HS3ST4: variants seen among roughly 807,000 people sequenced by gnomAD.
The protein encoded by HS3ST4 is heparan sulfate-glucosamine 3-sulfotransferase 4.
A neutral mutation model predicts 29.2 loss-of-function variants in HS3ST4; 17 were observed. That is an observed-to-expected ratio of 0.58 (90% CI 0.40 to 0.87). The LOEUF is 0.87. Among genes scored for constraint, HS3ST4 ranks in the 40% least tolerant of loss-of-function variants. The pLI, the probability that HS3ST4 is intolerant of heterozygous loss-of-function variation, is 0.00. For missense variants in HS3ST4, 627 were observed against 634.5 expected (o/e 0.99, Z 0.13); for synonymous variants, 314 against 285.7 (o/e 1.10, Z -1.00).
At chr16:25,745,438 T>A (rs1567231637) in intron 1 of HS3ST4, among the ~76,000 whole-genome samples, 1 of 152,334 alleles carries the variant, frequency 6.6e-6, no homozygotes, top group East Asian at 1.9e-4. Context: ...AATAACTGTT[T>A]TCAGACCATC....
chr16:25,830,198 G>A (rs1303113348), intron 1 of HS3ST4, among the ~76,000 whole-genome samples: 1 of 152,156 alleles, frequency 6.6e-6, no homozygotes, highest in African/African-American at 2.4e-5. Context: ...CTTTTTTATA[G>A]TGCCTGGAAG....
chr16:26,091,513 C>G (rs1898856907), intron 1 of HS3ST4, among the ~76,000 whole-genome samples: 1 of 152,154 alleles, frequency 6.6e-6, no homozygotes, highest in African/African-American at 2.4e-5. Context: ...TTTTCACGTC[C>G]TTGGGCATTG....
rs965623930 is a variant in HS3ST4, at chr16:26,137,215, C to T, written c.*967C>T. 1 of 152,078 alleles carries T rather than the reference C, an allele frequency of 6.6e-6. No individual in the cohort carries two copies. The highest frequency in any genetic ancestry group is 2.4e-5 in the African/African-American group (1 of 41,494). 9.4% of individuals were successfully genotyped at this position (152,078 alleles called of 1,614,324 possible). On this transcript the variant is annotated 3_prime_UTR_variant, in exon 2 of 2. Transcript: ENST00000331351. ...CATGTTTTTGGGGTGGACTCTGTCCCCTAGGGTCCCTAGAAGGGCAAAGAC... is the reference window on the plus strand; with the variant it reads ...CATGTTTTTGGGGTGGACTCTGTCCTCTAGGGTCCCTAGAAGGGCAAAGAC...
chr16:25,788,321 G>A (rs985740082), intron 1 of HS3ST4, among the ~76,000 whole-genome samples: 1 of 151,416 alleles, frequency 6.6e-6, no homozygotes, highest in South Asian at 2.1e-4. Flanking sequence ...AGGCTGAGGC[G>A]GGAGAATCAC....
intron 1 of HS3ST4, among the ~76,000 whole-genome samples, chr16:26,053,711 C>T (rs1898373420): frequency 1.3e-5 from 2 of 152,022 alleles, no homozygotes; most frequent in South Asian, 2.1e-4. Flanking sequence ...CATGTATATG[C>T]GATTTACCAA....
intron 1 of HS3ST4, among the ~76,000 whole-genome samples, chr16:25,845,647 G>GTAA (rs60639924): frequency 0.43 from 60,868 of 142,962 alleles, 13,271 homozygotes; most frequent in Middle Eastern, 0.49. Context: ...GGAATAGCAT[G>GTAA]TAATAATAAT....
chr16:26,004,048 T>C (rs923859205), intron 1 of HS3ST4, among the ~76,000 whole-genome samples: 8 of 152,184 alleles, frequency 5.3e-5, no homozygotes, highest in African/African-American at 1.9e-4. Flanking sequence ...TGTTCATGTG[T>C]ATTTCTACTG....
intron 1 of HS3ST4, among the ~76,000 whole-genome samples, chr16:25,724,939 A>G (rs961024730): frequency 7.9e-5 from 12 of 151,214 alleles, no homozygotes; most frequent in African/African-American, 2.9e-4. Context: ...TTTTTCAAAG[A>G]TAGGCTTTCC....
intron 1 of HS3ST4, among the ~76,000 whole-genome samples, chr16:25,962,158 C>T (rs746973166): frequency 2.0e-5 from 3 of 152,052 alleles, no homozygotes; most frequent in Non-Finnish European, 2.9e-5. Flanking sequence ...CTTGTATACA[C>T]CCAGGGAGAA....
At chr16:25,905,342 G>T (rs970708652) in intron 1 of HS3ST4, among the ~76,000 whole-genome samples, 1 of 150,204 alleles carries the variant, frequency 6.7e-6, no homozygotes, top group African/African-American at 2.4e-5. Flanking sequence ...AGATAGGGGC[G>T]GAGGGTGGGG....
chr16:26,089,249 C>T (rs1008906892), intron 1 of HS3ST4, among the ~76,000 whole-genome samples: 1 of 152,170 alleles, frequency 6.6e-6, no homozygotes, highest in Non-Finnish European at 1.5e-5. Flanking sequence ...CAAAACAGGA[C>T]CATCTGCATC....
intron 1 of HS3ST4, among the ~76,000 whole-genome samples, chr16:25,894,949 G>A (rs1280972561): frequency 6.6e-6 from 1 of 152,194 alleles, no homozygotes; most frequent in African/African-American, 2.4e-5. Flanking sequence ...TGCATATCAG[G>A]CACTGGACAA....
At chr16:25,841,733 A>G (rs1291700899) in intron 1 of HS3ST4, among the ~76,000 whole-genome samples, 2 of 152,176 alleles carry the variant, frequency 1.3e-5, no homozygotes, top group African/African-American at 4.8e-5. Flanking sequence ...CTTCCAGTCT[A>G]TGAGTTTCCA....
At chr16:25,725,679 T>C (rs187147089) in intron 1 of HS3ST4, among the ~76,000 whole-genome samples, 19 of 151,336 alleles carry the variant, frequency 1.3e-4, no homozygotes, top group Non-Finnish European at 2.5e-4. Flanking sequence ...ATAGAACTTA[T>C]ATATTGCAAT....
At chr16:26,044,295 AAG>A (rs1339551747) in intron 1 of HS3ST4, among the ~76,000 whole-genome samples, 1 of 152,220 alleles carries the variant, frequency 6.6e-6, no homozygotes, top group African/African-American at 2.4e-5. Context: ...ATTGCGCAGG[AAG>A]AGAGAGGGAG....
chr16:26,033,407 T>C (rs958524652), intron 1 of HS3ST4, among the ~76,000 whole-genome samples: 10 of 150,596 alleles, frequency 6.6e-5, no homozygotes, highest in Admixed American at 6.6e-4. Context: ...CCCAGCTACT[T>C]GGGAGGCTGA....
chr16:25,745,925 G>A (rs1218841232), intron 1 of HS3ST4, among the ~76,000 whole-genome samples: 2 of 152,106 alleles, frequency 1.3e-5, no homozygotes, highest in Non-Finnish European at 2.9e-5. Flanking sequence ...GTTACGTTTG[G>A]CAAATATTGA....
chr16:25,740,511 G>A (rs7191259), intron 1 of HS3ST4, among the ~76,000 whole-genome samples: 192 of 152,238 alleles, frequency 1.3e-3, no homozygotes, highest in African/African-American at 4.4e-3. Flanking sequence ...ACTTGATCCA[G>A]GTGAGACGAG....
At chr16:25,807,494 A>G (rs901305052) in intron 1 of HS3ST4, among the ~76,000 whole-genome samples, 3 of 152,134 alleles carry the variant, frequency 2.0e-5, no homozygotes, top group East Asian at 3.8e-4. Context: ...ATCAGCAGTT[A>G]CTTCTTTTTA....
Sources: gnomAD v4.1 joint callset for allele counts (sites outside exome capture counted in the v4.1 genomes callset) on GRCh38, gnomAD v4.1.1 for gene constraint, MANE v1.5 for transcripts, NCBI Gene and HGNC (gene_info 2026-07-23, HGNC 2026-07-21) for gene names.